Variants in TSPAN12 observed in about 807,000 individuals in gnomAD.
TSPAN12 encodes the protein tetraspanin-12.
A neutral mutation model predicts 39.2 loss-of-function variants in TSPAN12; 19 were observed. That is an observed-to-expected ratio of 0.49 (90% CI 0.34 to 0.71). The LOEUF (loss-of-function observed/expected upper bound fraction) is 0.71, where lower values mean the gene tolerates loss of function less well. TSPAN12 is among the 30% of genes least tolerant of loss of function. The pLI, the probability that TSPAN12 is intolerant of heterozygous loss-of-function variation, is 0.01. For synonymous variants in TSPAN12, 119 were observed against 124.8 expected (o/e 0.95, Z 0.31); for missense variants, 314 against 359.9 (o/e 0.87, Z 1.03).
intron 2 of TSPAN12, among the ~76,000 whole-genome samples, chr7:120,848,031 T>G (rs149738174): frequency 0.021 from 3,159 of 152,198 alleles, 127 homozygotes; most frequent in Non-Finnish European, 0.02. Context: ...TGCTTGCACA[T>G]CTCCAAAATG....
At chr7:120,820,596 T>C (rs1439990876) in intron 4 of TSPAN12, among the ~76,000 whole-genome samples, 1 of 152,092 alleles carries the variant, frequency 6.6e-6, no homozygotes, top group Non-Finnish European at 1.5e-5. Flanking sequence ...GTATTTCAGG[T>C]CTCAGAGACT....
chr7:120,815,396 T>C (rs1794060293), intron 5 of TSPAN12, among the ~76,000 whole-genome samples: 1 of 152,168 alleles, frequency 6.6e-6, no homozygotes, highest in South Asian at 2.1e-4. Flanking sequence ...GTGGAGGTAA[T>C]TGAATCATGG....
chr7:120,797,050 A>G (rs2116309200), intron 7 of TSPAN12, among the ~76,000 whole-genome samples: 1 of 151,830 alleles, frequency 6.6e-6, no homozygotes, highest in African/African-American at 2.4e-5. Context: ...CCAGCTGCTC[A>G]GGAGGCTGAG....
At chr7:120,855,897 G>C (rs938595602) in intron 2 of TSPAN12, among the ~76,000 whole-genome samples, 11 of 152,080 alleles carry the variant, frequency 7.2e-5, no homozygotes, top group Admixed American at 5.2e-4. Flanking sequence ...CAAAAAAATG[G>C]AAAGAACAAT....
intron 5 of TSPAN12, among the ~76,000 whole-genome samples, chr7:120,813,292 G>A (rs899388399): frequency 6.6e-6 from 1 of 152,158 alleles, no homozygotes; most frequent in African/African-American, 2.4e-5. Flanking sequence ...CTTTTAAACA[G>A]CCCTTGCTCC....
intron 2 of TSPAN12, among the ~76,000 whole-genome samples, chr7:120,852,167 T>C (rs1216518621): frequency 6.6e-6 from 1 of 152,214 alleles, no homozygotes; most frequent in East Asian, 1.9e-4. Flanking sequence ...GGGTTCCCAA[T>C]GTTTTTGTGA....
At chr7:120,857,322 C>A (rs956753564) in intron 1 of TSPAN12, 1 of 166,300 alleles carries the variant, frequency 6.0e-6, no homozygotes, top group Non-Finnish European at 1.3e-5. Context: ...ACTCCGCACC[C>A]CTCTACCCCG....
intron 2 of TSPAN12, among the ~76,000 whole-genome samples, chr7:120,854,193 G>T (rs1309507503): frequency 6.6e-6 from 1 of 152,118 alleles, no homozygotes; most frequent in African/African-American, 2.4e-5. Flanking sequence ...AAATATTTTT[G>T]TACATATAAT....
intron 7 of TSPAN12, among the ~76,000 whole-genome samples, chr7:120,804,264 C>A (rs1299775656): frequency 6.6e-6 from 1 of 152,004 alleles, no homozygotes; most frequent in Non-Finnish European, 1.5e-5. Context: ...ATTTGAATAT[C>A]CATAATATGT....
intron 5 of TSPAN12, among the ~76,000 whole-genome samples, chr7:120,813,321 GA>G (rs1390357106): frequency 6.6e-6 from 1 of 152,184 alleles, no homozygotes; most frequent in Admixed American, 6.5e-5. Context: ...GATGTAATGG[GA>G]AAGATTTATG....
chr7:120,830,204 GT>G (rs1390578386), intron 4 of TSPAN12, among the ~76,000 whole-genome samples: 2 of 152,038 alleles, frequency 1.3e-5, no homozygotes, highest in African/African-American at 4.8e-5. Flanking sequence ...AATTAATATT[GT>G]TAAAATGTCC....
chr7:120,846,954 C>A (rs769206640), intron 2 of TSPAN12, among the ~76,000 whole-genome samples: 3 of 151,998 alleles, frequency 2.0e-5, no homozygotes, highest in African/African-American at 4.8e-5. Context: ...AAAGGCCCCA[C>A]GAGGGAAGGC....
In TSPAN12 at chr7:120,840,022, T is replaced by C; in HGVS notation, c.149+5A>G. On this transcript the variant is annotated splice_donor_5th_base_variant and intron_variant, in intron 3 of 7. Coordinates refer to ENST00000222747, the MANE Select transcript of TSPAN12 (RefSeq NM_012338.4). ...AAGAATTCAATCAATAATTATAAAG[T>C]ATACCTCGTTTCTGCAGTTAAAGTG... 6.2e-7 allele frequency: 1 copy of C among 1,605,402 alleles called. No homozygotes were observed.
chr7:120,831,691 C>T (rs2116440496), intron 4 of TSPAN12, among the ~76,000 whole-genome samples: 1 of 152,070 alleles, frequency 6.6e-6, no homozygotes, highest in South Asian at 2.1e-4. Context: ...TACAAAGTTT[C>T]AGTTAGATAG....
chr7:120,848,635 G>GT (rs138579191), intron 2 of TSPAN12, among the ~76,000 whole-genome samples: 11 of 151,994 alleles, frequency 7.2e-5, no homozygotes, highest in South Asian at 4.2e-4. Context: ...CTGTCCCAAT[G>GT]TTTTTTTTCA....
At chr7:120,807,817 G>A (rs553974389) in intron 6 of TSPAN12, among the ~76,000 whole-genome samples, 29 of 151,940 alleles carry the variant, frequency 1.9e-4, no homozygotes, top group African/African-American at 6.3e-4. Context: ...TATAAATGAC[G>A]AATTACTGAA....
chr7:120,815,340 C>T (rs957643047), intron 5 of TSPAN12, among the ~76,000 whole-genome samples: 1 of 152,196 alleles, frequency 6.6e-6, no homozygotes, highest in African/African-American at 2.4e-5. Flanking sequence ...CAAATCTCAT[C>T]TTGAGTCGTA....
chr7:120,828,655 CT>C lies in TSPAN12; in HGVS notation c.285+10121del, dbSNP rs752697203. ...GTTCCTTAGTGTTTTTTTCTTTCTC[CT>C]TTTTTTTTTTTTTTTTTTTTTACAG... On this transcript the variant is annotated intron_variant, in intron 4 of 7. Coordinates refer to ENST00000222747, the MANE Select transcript of TSPAN12 (RefSeq NM_012338.4). Among the ~76,000 whole-genome samples the C allele has an allele frequency of 8.7e-3, 1,097 of 125,478 alleles. 11 individuals are homozygous for C. Among genetic ancestry groups the C allele is most frequent in the African/African-American group, 0.023 (768 of 33,680 alleles). The allele number at this position is 125,478 out of a possible 152,430, so 82.3% of individuals were successfully genotyped here.
chr7:120,838,658 C>G, intron 4 of TSPAN12, 119 bp downstream of exon 4: 1 of 1,043,690 alleles, frequency 9.6e-7, no homozygotes, highest in Non-Finnish European at 1.4e-6. Flanking sequence ...CGAAAGCGTC[C>G]CTTCTTACAG....
Sources: allele counts gnomAD v4.1 joint callset (sites outside exome capture counted in the v4.1 genomes callset), GRCh38; gene constraint gnomAD v4.1.1; transcripts MANE v1.5; gene names NCBI Gene and HGNC (gene_info 2026-07-23, HGNC 2026-07-21).